PPARGC1A: variants seen among roughly 807,000 people sequenced by gnomAD.
The protein encoded by PPARGC1A is PPARG coactivator 1 alpha.
In PPARGC1A, 25 loss-of-function variants were observed where a neutral mutation model predicts 88.7. That is an observed-to-expected ratio of 0.28 (90% CI 0.21 to 0.39). The LOEUF is 0.39. Among genes scored for constraint, PPARGC1A ranks in the 10% least tolerant of loss-of-function variants. The probability of loss-of-function intolerance (pLI) is 1.00; values close to 1 mark genes in which losing one functional copy is unlikely to be tolerated. For missense variants in PPARGC1A, 880 were observed against 968.7 expected, an observed-to-expected ratio of 0.91 and a Z score of 1.22; for synonymous variants, 363 against 355.6, an observed-to-expected ratio of 1.02 and a Z score of -0.24.
chr4:23,910,251 ATATTATATATATT>A, the PPARGC1A span, among the ~76,000 whole-genome samples: 6 of 104,370 alleles, frequency 5.7e-5, no homozygotes, highest in Non-Finnish European at 1.1e-4. Flanking sequence ...ATATAAATAT[ATATTATATATATT>A]AATATATATT....
At chr4:24,139,025 T>C in the PPARGC1A span, among the ~76,000 whole-genome samples, 1 of 152,188 alleles carries the variant, frequency 6.6e-6, no homozygotes, top group Non-Finnish European at 1.5e-5. Context: ...GAAAACTCTG[T>C]GGAGTTCTTC....
At chr4:24,250,307 C>T in the PPARGC1A span, among the ~76,000 whole-genome samples, 20 of 152,310 alleles carry the variant, frequency 1.3e-4, no homozygotes, top group African/African-American at 4.6e-4. Context: ...AAGGCAAACT[C>T]ATCTTAATGT....
At chr4:24,402,098 A>G in the PPARGC1A span, among the ~76,000 whole-genome samples, 5 of 152,038 alleles carry the variant, frequency 3.3e-5, no homozygotes, top group South Asian at 4.2e-4. Context: ...GCTGAATAGA[A>G]CTCTATTTGG....
At chr4:24,045,070 C>T in the PPARGC1A span, among the ~76,000 whole-genome samples, 1 of 152,056 alleles carries the variant, frequency 6.6e-6, no homozygotes, top group Admixed American at 6.6e-5. Context: ...TCAGCAAGAG[C>T]CTACATCCTA....
the PPARGC1A span, among the ~76,000 whole-genome samples, chr4:23,989,317 A>AT: frequency 7.2e-5 from 11 of 151,838 alleles, no homozygotes; most frequent in East Asian, 1.9e-4. Flanking sequence ...TTCTTGACAG[A>AT]TTTTTTTTAA....
the PPARGC1A span, among the ~76,000 whole-genome samples, chr4:24,302,252 A>G: frequency 7.9e-5 from 12 of 152,242 alleles, no homozygotes; most frequent in Non-Finnish European, 1.8e-4. Flanking sequence ...AACTGTTTAC[A>G]AAACATCACG....
the PPARGC1A span, among the ~76,000 whole-genome samples, chr4:23,954,076 A>G: frequency 6.6e-6 from 1 of 151,930 alleles, no homozygotes; most frequent in Non-Finnish European, 1.5e-5. Flanking sequence ...CACAACTAAG[A>G]GTTTACATTG....
chr4:23,858,721 T>C (rs1560458601), intron 2 of PPARGC1A, among the ~76,000 whole-genome samples: 1 of 152,148 alleles, frequency 6.6e-6, no homozygotes, highest in Non-Finnish European at 1.5e-5. Flanking sequence ...AGGTAGAAAA[T>C]TGACAGTCAA....
chr4:24,283,770 C>A, the PPARGC1A span, among the ~76,000 whole-genome samples: 1 of 152,134 alleles, frequency 6.6e-6, no homozygotes, highest in Non-Finnish European at 1.5e-5. Context: ...TTGGGCAAGT[C>A]ATTTAATTCA....
At chr4:24,176,832 C>T in the PPARGC1A span, among the ~76,000 whole-genome samples, 5 of 152,176 alleles carry the variant, frequency 3.3e-5, no homozygotes, top group African/African-American at 4.8e-5. Context: ...AAACCACCAG[C>T]ATGACACCAG....
the PPARGC1A span, among the ~76,000 whole-genome samples, chr4:24,405,028 G>A: frequency 2.6e-5 from 4 of 152,090 alleles, no homozygotes; most frequent in African/African-American, 9.7e-5. Context: ...CTGCATAATG[G>A]ACTTAATGAT....
the PPARGC1A span, among the ~76,000 whole-genome samples, chr4:24,171,431 C>T: frequency 6.6e-6 from 1 of 152,012 alleles, no homozygotes; most frequent in Non-Finnish European, 1.5e-5. Context: ...CCGTGCCCAT[C>T]TTCATCTACA....
chr4:24,333,532 A>C, the PPARGC1A span, among the ~76,000 whole-genome samples: 1 of 152,186 alleles, frequency 6.6e-6, no homozygotes, highest in Admixed American at 6.5e-5. Context: ...GAGCTTCTCC[A>C]TCTTACCAGA....
At chr4:24,348,786 A>C in the PPARGC1A span, among the ~76,000 whole-genome samples, 1 of 152,086 alleles carries the variant, frequency 6.6e-6, no homozygotes, top group Non-Finnish European at 1.5e-5. Context: ...CTAAATAACT[A>C]ACCTCCTAAA....
At chr4:24,208,682 A>AAAAAAAAAAAATAT in the PPARGC1A span, among the ~76,000 whole-genome samples, 4 of 135,000 alleles carry the variant, frequency 3.0e-5, no homozygotes, top group African/African-American at 1.1e-4. Context: ...TCAGAAAAAA[A>AAAAAAAAAAAATAT]ATATATATAT....
chr4:24,190,398 C>T, the PPARGC1A span, among the ~76,000 whole-genome samples: 1 of 152,002 alleles, frequency 6.6e-6, no homozygotes, highest in African/African-American at 2.4e-5. Flanking sequence ...GCCTGTAGTC[C>T]CAGCTACTCG....
At chr4:24,465,925 C>A in the PPARGC1A span, among the ~76,000 whole-genome samples, 7 of 152,182 alleles carry the variant, frequency 4.6e-5, no homozygotes, top group African/African-American at 1.4e-4. Context: ...TAGCTCATGA[C>A]AGTGTATCCC....
At chr4:23,809,744 C>A (rs1319522480) in intron 10 of PPARGC1A, among the ~76,000 whole-genome samples, 1 of 152,136 alleles carries the variant, frequency 6.6e-6, no homozygotes, top group African/African-American at 2.4e-5. Context: ...AATCCAATCA[C>A]ACAGTGCATC....
At chr4:24,443,742 T>TTTTAG in the PPARGC1A span, among the ~76,000 whole-genome samples, 1 of 147,418 alleles carries the variant, frequency 6.8e-6, no homozygotes. Context: ...TTTTTGTAAA[T>TTTTAG]ATGGGGTTTT....
Sources: gnomAD v4.1 joint callset for allele counts (sites outside exome capture counted in the v4.1 genomes callset) on GRCh38, gnomAD v4.1.1 for gene constraint, MANE v1.5 for transcripts, NCBI Gene and HGNC (gene_info 2026-07-23, HGNC 2026-07-21) for gene names.